The following KAT14 variants were observed in gnomAD, a reference collection of about 807,000 sequenced individuals.
The protein encoded by KAT14 is lysine acetyltransferase 14.
KAT14 carries 66 observed loss-of-function variants against 78.4 expected under a neutral mutation model. The ratio of observed to expected loss-of-function variants is 0.84; its 90% CI spans 0.69 to 1.03. KAT14 has a LOEUF of 1.03. KAT14 is among the 50% of genes least tolerant of loss of function. KAT14 has a pLI of 0.00. For missense variants in KAT14, 870 were observed against 972.5 expected, an observed-to-expected ratio of 0.89 and a Z score of 1.40; for synonymous variants, 344 against 359.4, an observed-to-expected ratio of 0.96 and a Z score of 0.48.
At chr20:18,166,273 C>G (rs754895596) in intron 7 of KAT14, among the ~76,000 whole-genome samples, 1 of 152,142 alleles carries the variant, frequency 6.6e-6, no homozygotes, top group Non-Finnish European at 1.5e-5. Flanking sequence ...CTGGCTGGAG[C>G]GGGACCTCAC....
At chr20:18,181,543 G>A (rs1054873398) in intron 7 of KAT14, among the ~76,000 whole-genome samples, 167 bp from the exon 8 acceptor site, 1 of 151,854 alleles carries the variant, frequency 6.6e-6, no homozygotes, top group Admixed American at 6.6e-5. Context: ...GCTAATTTTT[G>A]TATTTTTAGT....
At chr20:18,161,297 C>T (rs1055545795) in intron 5 of KAT14, among the ~76,000 whole-genome samples, 69 of 152,022 alleles carry the variant, frequency 4.5e-4, no homozygotes, top group African/African-American at 1.6e-3. Flanking sequence ...GCTCAAAATC[C>T]ACCCACCTCA....
intron 3 of KAT14, among the ~76,000 whole-genome samples, chr20:18,145,555 C>CA (rs1265726465): frequency 6.6e-6 from 1 of 152,176 alleles, no homozygotes; most frequent in Non-Finnish European, 1.5e-5. Flanking sequence ...CCAAGGCGGG[C>CA]AGATCACCTG....
chr20:18,179,015 A>G (rs977699792), intron 7 of KAT14, among the ~76,000 whole-genome samples: 2 of 152,220 alleles, frequency 1.3e-5, no homozygotes, highest in Non-Finnish European at 2.9e-5. Flanking sequence ...CAAAGGGGTT[A>G]CAGGGCCCAT....
chr20:18,138,047 A>G lies in KAT14; in HGVS notation c.-458A>G, dbSNP rs1018900682. The G allele has an allele frequency of 1.0e-5, 15 of 1,484,124 alleles. No individual in the cohort carries two copies. The highest frequency in any genetic ancestry group is 1.1e-5 in the Non-Finnish European group (12 of 1,123,782). 91.9% of individuals were successfully genotyped at this position (1,484,124 alleles called of 1,614,324 possible). A position where few individuals can be genotyped will look rare whatever the true frequency, so the allele number is the denominator to read the frequency against. On this transcript the variant is annotated 5_prime_UTR_variant, in exon 1 of 11. Coordinates refer to ENST00000688188, the MANE Select transcript of KAT14 (RefSeq NM_001392073.1). The stretch of plus-strand genomic sequence containing the variant: ...GTACATGTGAAGCAGCAGTGGGACC[A>G]GCAGGTCGGTGTCACGTGACCGTCT...
At chr20:18,153,065 A>G (rs1239571455) in intron 4 of KAT14, among the ~76,000 whole-genome samples, 4 of 152,182 alleles carry the variant, frequency 2.6e-5, no homozygotes. Flanking sequence ...AGATTCATGA[A>G]TCTTACATAA....
intron 7 of KAT14, among the ~76,000 whole-genome samples, chr20:18,176,518 G>A (rs62205121): frequency 0.091 from 13,855 of 152,166 alleles, 755 homozygotes; most frequent in Non-Finnish European, 0.11. Context: ...TAGCGGGCAG[G>A]AGCACTGCTC....
At chr20:18,170,890 C>T (rs2038822223) in intron 7 of KAT14, among the ~76,000 whole-genome samples, 1 of 152,132 alleles carries the variant, frequency 6.6e-6, no homozygotes, top group South Asian at 2.1e-4. Context: ...ACCTGGTCAC[C>T]CAAGAGTTCT....
Position 18,138,019 on chromosome 20 carries a change from G to C in KAT14, c.-486G>C. On this transcript the variant is annotated 5_prime_UTR_variant, in exon 1 of 11. Transcript: ENST00000688188. ...GCTGCTGACGGCGGCCACAGTGGCC[G>C]GCGTACATGTGAAGCAGCAGTGGGA... The C allele has an allele frequency of 2.7e-6, 4 of 1,497,504 alleles. No individual in the cohort carries two copies. Among genetic ancestry groups the C allele is most frequent in the Non-Finnish European group, 2.7e-6 (3 of 1,130,024 alleles). The allele number at this position is 1,497,504 out of a possible 1,614,324, so 92.8% of individuals were successfully genotyped here.
upstream of KAT14, among the ~76,000 whole-genome samples, chr20:18,137,454 C>T (rs941945219): frequency 2.6e-5 from 4 of 152,204 alleles, no homozygotes; most frequent in Non-Finnish European, 1.5e-5. Flanking sequence ...GAGGCGGTCT[C>T]CTGGTGGCGC....
chr20:18,162,624 GA>G lies in KAT14; in HGVS notation c.1349del (p.Lys450ArgfsTer13). On this transcript the variant is annotated frameshift_variant, in exon 7 of 11. Transcript: ENST00000688188. LOFTEE classifies it high-confidence loss of function. ...GAGAAAAGAGGAAGCCTCAGCTGGA[GA>G]AGGACACAAAGCCGAAAGAGCCCAG... ...AREKRKPQLE[K>X]DTKPKEPRYT... 6.2e-7 allele frequency: 1 copy of G among 1,614,196 alleles called. No homozygotes were observed. Among genetic ancestry groups the G allele is most frequent in the Non-Finnish European group, 8.5e-7 (1 of 1,180,036 alleles).
At chr20:18,170,398 C>G (rs75092987) in intron 7 of KAT14, among the ~76,000 whole-genome samples, 7,819 of 152,198 alleles carry the variant, frequency 0.051, 247 homozygotes, top group Middle Eastern at 0.092. Flanking sequence ...AATCTTAGGG[C>G]CCTTATAAAT....
In KAT14 at chr20:18,183,235, T is replaced by G; in HGVS notation, c.1918T>G (p.Cys640Gly). Residue 640 changes from cysteine to glycine, a missense_variant, in exon 9 of 11, where the codon TGT (cysteine) becomes GGT (glycine). Transcript: ENST00000688188. ...GGAGCCCGACGCACCTCTCGATTAC[T>G]GTTATGTGCGGCCAAATCACATCCC... is the stretch of plus-strand genomic sequence containing the variant. ...TPEPDAPLDY[C>G]YVRPNHIPTI... 2 of 1,614,176 alleles carry G rather than the reference T, an allele frequency of 1.2e-6. No individual in the cohort carries two copies. Among genetic ancestry groups the G allele is most frequent in the Non-Finnish European group, 1.7e-6 (2 of 1,180,028 alleles).
Position 18,142,312 on chromosome 20 carries a change from A to T in KAT14, c.-349A>T, listed in dbSNP as rs2037618456. Reference sequence around the variant, plus strand: ...TTATTTTGACTGAGCAACTTGAAGCAGAAAGAGAGAAGATGTTATTGGCAA... The same window carrying T: ...TTATTTTGACTGAGCAACTTGAAGCTGAAAGAGAGAAGATGTTATTGGCAA... On this transcript the variant is annotated 5_prime_UTR_variant, in exon 2 of 11. Transcript: ENST00000688188. 1 of 1,537,056 alleles carries T rather than the reference A, an allele frequency of 6.5e-7. No homozygotes were observed. Among genetic ancestry groups the T allele is most frequent in the African/African-American group, 1.4e-5 (1 of 73,184 alleles).
At chr20:18,166,079 C>A (rs376447174) in intron 7 of KAT14, among the ~76,000 whole-genome samples, 1 of 152,150 alleles carries the variant, frequency 6.6e-6, no homozygotes, top group Non-Finnish European at 1.5e-5. Flanking sequence ...AATAGATAAT[C>A]GGTGCTGCGA....
intron 8 of KAT14, 46 bp from the exon 9 acceptor site, chr20:18,183,077 G>T: frequency 6.4e-7 from 1 of 1,566,544 alleles, no homozygotes; most frequent in Non-Finnish European, 8.6e-7. Flanking sequence ...AATAATACCA[G>T]GTATTTTTCT....
chr20:18,159,102 G>C lies in KAT14; in HGVS notation c.519G>C (p.Trp173Cys). 6.2e-7 allele frequency: 1 copy of C among 1,608,318 alleles called. No homozygotes were observed. The highest frequency in any genetic ancestry group is 8.5e-7 in the Non-Finnish European group (1 of 1,178,620). Reference sequence around the variant, plus strand: ...TCTTTAGGAAAAAGACGTCTACCTGGTGGAGCACCGTGGCAGGTTGCCTCA... The same window carrying C: ...TCTTTAGGAAAAAGACGTCTACCTGCTGGAGCACCGTGGCAGGTTGCCTCA... ...LLGNRKKTSTWWSTVAGCLSV... is the reference protein window; with the variant it reads ...LLGNRKKTSTCWSTVAGCLSV... The change falls in exon 5 of 11, where the codon TGG (tryptophan) becomes TGC (cysteine). Residue 173 changes from tryptophan to cysteine, a missense_variant. Trp to Cys is a radical substitution (Grantham distance 215, BLOSUM62 -2). Transcript: ENST00000688188.
Position 18,142,453 on chromosome 20 carries a change from C to CA in KAT14, c.-207dup, listed in dbSNP as rs1600214217. 6.9e-7 allele frequency: 1 copy of CA among 1,458,726 alleles called. No homozygotes were observed. The highest frequency in any genetic ancestry group is 2.5e-5 in the East Asian group (1 of 40,294). The allele number at this position is 1,458,726 out of a possible 1,614,324, so 90.4% of individuals were successfully genotyped here. On this transcript the variant is annotated 5_prime_UTR_variant, in exon 2 of 11. An upstream open reading frame in the 5' UTR loses its in-frame stop. Transcript: ENST00000688188. Reference sequence around the variant, plus strand: ...TAGTATCTTCATCTTTTTTTTTGGTCACTGTCCTTTTAAACTTGATCAAAT... The same window carrying CA: ...TAGTATCTTCATCTTTTTTTTTGGTCAACTGTCCTTTTAAACTTGATCAAAT...
At position 18,162,373 on chromosome 20, in the gene KAT14, A is replaced by C; in HGVS notation, c.1100-4A>C. 1 of 1,610,624 alleles carries C rather than the reference A, an allele frequency of 6.2e-7. No individual in the cohort carries two copies. Among genetic ancestry groups the C allele is most frequent in the Non-Finnish European group, 8.5e-7 (1 of 1,178,504 alleles). On this transcript the variant is annotated splice_region_variant and splice_polypyrimidine_tract_variant and intron_variant, in intron 6 of 10. Coordinates refer to ENST00000688188, the MANE Select transcript of KAT14 (RefSeq NM_001392073.1). ...TTGATGACACTGTTTTGTACTCTGC[A>C]CAGATGACGATGAGATGGAAGGCGA...
Sources: allele counts gnomAD v4.1 joint callset (sites outside exome capture counted in the v4.1 genomes callset), GRCh38; gene constraint gnomAD v4.1.1; transcripts MANE v1.5; gene names NCBI Gene and HGNC (gene_info 2026-07-23, HGNC 2026-07-21).